SMYD4: variants seen among roughly 807,000 people sequenced by gnomAD.
The protein encoded by SMYD4 is protein-lysine N-methyltransferase SMYD4.
A neutral mutation model predicts 72.8 loss-of-function variants in SMYD4; 68 were observed. The observed-to-expected ratio is 0.93, with a 90% CI of 0.77 to 1.14. The LOEUF is 1.14. SMYD4 is among the 50% of genes most tolerant of loss of function. The pLI, the probability that SMYD4 is intolerant of heterozygous loss-of-function variation, is 0.00. For synonymous variants in SMYD4, 407 were observed against 388.6 expected, an observed-to-expected ratio of 1.05 and a Z score of -0.56; for missense variants, 984 against 1,003.7, an observed-to-expected ratio of 0.98 and a Z score of 0.27.
chr17:1,821,698 A>G (rs1242851065), intron 2 of SMYD4, among the ~76,000 whole-genome samples: 2 of 152,204 alleles, frequency 1.3e-5, no homozygotes, highest in Non-Finnish European at 2.9e-5. Flanking sequence ...TGGGAGACCA[A>G]GGTGGGCAGA....
chr17:1,786,152 C>T (rs939179628), intron 7 of SMYD4, among the ~76,000 whole-genome samples: 1 of 152,184 alleles, frequency 6.6e-6, no homozygotes, highest in African/African-American at 2.4e-5. Flanking sequence ...GTTCTCAGGT[C>T]AATGAAACAC....
chr17:1,805,775 G>A (rs181869437), intron 3 of SMYD4, among the ~76,000 whole-genome samples: 1 of 151,478 alleles, frequency 6.6e-6, no homozygotes, highest in African/African-American at 2.4e-5. Flanking sequence ...TCATACCACT[G>A]CACTCCAGTC....
chr17:1,816,510 C>T (rs1408413614), intron 2 of SMYD4, among the ~76,000 whole-genome samples: 1 of 151,402 alleles, frequency 6.6e-6, no homozygotes, highest in Non-Finnish European at 1.5e-5. Flanking sequence ...ATCCCAGCTA[C>T]TCGGGGGACT....
chr17:1,784,641 T>C (rs1463357136), intron 7 of SMYD4, 180 bp from the exon 8 acceptor site: 8 of 885,852 alleles, frequency 9.0e-6, no homozygotes, highest in Admixed American at 6.2e-5. Context: ...GCGGCAATTC[T>C]AATGAAGTGT....
intron 4 of SMYD4, among the ~76,000 whole-genome samples, chr17:1,802,509 G>T (rs1372093474): frequency 6.6e-6 from 1 of 151,968 alleles, no homozygotes; most frequent in Admixed American, 6.6e-5. Flanking sequence ...AAAAAATAAA[G>T]AAAAAGGAAA....
intron 3 of SMYD4, among the ~76,000 whole-genome samples, chr17:1,811,050 T>C (rs59742131): frequency 0.18 from 27,100 of 152,252 alleles, 2,498 homozygotes; most frequent in Middle Eastern, 0.2. Context: ...CCTCTGTCCT[T>C]GCGACAAGGT....
intron 7 of SMYD4, 140 bp downstream of exon 7, chr17:1,786,670 G>T: frequency 1.1e-6 from 1 of 933,224 alleles, no homozygotes. Context: ...CTAGTGTATG[G>T]GGATGACTGG....
At chr17:1,793,063 G>A (rs1460490650) in intron 5 of SMYD4, among the ~76,000 whole-genome samples, 21 of 151,944 alleles carry the variant, frequency 1.4e-4, no homozygotes, top group Admixed American at 1.2e-3. Context: ...GACCACAAGC[G>A]CGCACCACCA....
chr17:1,801,163 A>G (rs1909727036), intron 4 of SMYD4, 139 bp from the exon 5 acceptor site: 2 of 730,764 alleles, frequency 2.7e-6, no homozygotes, highest in South Asian at 3.8e-5. Context: ...TATTAAAATC[A>G]TATAGTTCTG....
chr17:1,808,122 C>A (rs769516185), intron 3 of SMYD4, among the ~76,000 whole-genome samples: 6 of 152,180 alleles, frequency 3.9e-5, no homozygotes, highest in Non-Finnish European at 7.3e-5. Flanking sequence ...TCTGCCCCAG[C>A]AATTACCCTT....
At chr17:1,817,345 G>C in intron 2 of SMYD4, among the ~76,000 whole-genome samples, 1 of 147,332 alleles carries the variant, frequency 6.8e-6, no homozygotes, top group Admixed American at 6.8e-5. Context: ...GCCTAAAACT[G>C]TTTTTTTTTG....
Position 1,804,867 on chromosome 17 carries a change from G to C in SMYD4, c.280-152C>G. On this transcript the variant is annotated intron_variant, in intron 3 of 10. Transcript: ENST00000305513. ...GCTTCAGCTTATCTTTTAACTACCT[G>C]AGAGCAAAGCTGTGAAGAGCAAGTG... The C allele has an allele frequency of 4.3e-6, 3 of 690,150 alleles. No individual in the cohort carries two copies. In the South Asian group the frequency reaches 5.3e-5, roughly 12 times the overall value. 42.8% of individuals were successfully genotyped at this position (690,150 alleles called of 1,614,324 possible). A position where few individuals can be genotyped will look rare whatever the true frequency, so the allele number is the denominator to read the frequency against.
Position 1,796,159 on chromosome 17 carries a change from GTCTC to G in SMYD4, c.1537+3694_1537+3697del, listed in dbSNP as rs201704159. Among the ~76,000 whole-genome samples the G allele has an allele frequency of 1.4e-4, 22 of 152,076 alleles. No individual in the cohort carries two copies. In the East Asian group the frequency reaches 3.9e-3, roughly 27 times the overall value. On this transcript the variant is annotated intron_variant, in intron 5 of 10. Coordinates refer to ENST00000305513, the MANE Select transcript of SMYD4 (RefSeq NM_052928.3). ...TTTTCTTTTTTCTTTTTGAGACAGG[GTCTC>G]TCTCTGTTGCCCAGGCTCTAGTGCA...
Position 1,781,124 on chromosome 17 carries a change from T to C in SMYD4, c.*162A>G, listed in dbSNP as rs55971207. The C allele has an allele frequency of 0.057, 45,551 of 804,548 alleles. 2,706 individuals are homozygous for C. Among genetic ancestry groups the C allele is most frequent in the African/African-American group, 0.22 (12,403 of 55,358 alleles). 49.8% of individuals were successfully genotyped at this position (804,548 alleles called of 1,614,324 possible). Reference sequence around the variant, plus strand: ...TTAGTAAAGATGGGGTTTCACCATGTTGGCCAGGCTGGTCTTGAACTCCTG... The same window carrying C: ...TTAGTAAAGATGGGGTTTCACCATGCTGGCCAGGCTGGTCTTGAACTCCTG... On this transcript the variant is annotated 3_prime_UTR_variant, in exon 11 of 11. Transcript: ENST00000305513.
At chr17:1,797,064 A>G (rs1909445080) in intron 5 of SMYD4, among the ~76,000 whole-genome samples, 1 of 152,214 alleles carries the variant, frequency 6.6e-6, no homozygotes, top group Admixed American at 6.5e-5. Flanking sequence ...AATCTTGGCC[A>G]AAACATGTCT....
rs186762122 is a variant in SMYD4, at chr17:1,800,238, T to C, written c.1156A>G (p.Asn386Asp). 4.3e-6 allele frequency: 7 copies of C among 1,614,246 alleles called. No homozygotes were observed. In the East Asian group the frequency reaches 1.6e-4, roughly 36 times the overall value. The change falls in exon 5 of 11, where the codon AAT (asparagine) becomes GAT (aspartate). Residue 386 changes from asparagine (N) to aspartate (D), a missense_variant. Physicochemically the swap from Asn to Asp is conservative, Grantham distance 23. Coordinates refer to ENST00000305513, the MANE Select transcript of SMYD4 (RefSeq NM_052928.3). Reference protein sequence around the residue: ...NKDICLPESNNQVKTLNYGLG... With the variant: ...NKDICLPESNDQVKTLNYGLG... The stretch of plus-strand genomic sequence containing the variant: ...CCATAATTAAGTGTCTTGACCTGAT[T>C]GTTGCTTTCAGGTAAACAGATGTCC...
intron 2 of SMYD4, among the ~76,000 whole-genome samples, chr17:1,824,110 A>C (rs1911036316): frequency 6.6e-6 from 1 of 152,180 alleles, no homozygotes; most frequent in African/African-American, 2.4e-5. Flanking sequence ...TGGGAGGCCA[A>C]GGTGGATGGG....
chr17:1,786,825 G>C lies in SMYD4; in HGVS notation c.1869C>G (p.Cys623Trp). 1 of 1,614,176 alleles carries C rather than the reference G, an allele frequency of 6.2e-7. No homozygotes were observed. Among genetic ancestry groups the C allele is most frequent in the South Asian group, 1.1e-5 (1 of 91,082 alleles). ...PRWEAFCCNSCGAPMQGDDVL... is the reference protein window; with the variant it reads ...PRWEAFCCNSWGAPMQGDDVL... Reference sequence around the variant, plus strand: ...AGAGAATTACCTGCATGGGCGCTCCGCAACTGTTGCAACAGAATGCTTCCC... The same window carrying C: ...AGAGAATTACCTGCATGGGCGCTCCCCAACTGTTGCAACAGAATGCTTCCC... Residue 623 changes from cysteine to tryptophan, a missense_variant, in exon 7 of 11, where the codon TGC becomes TGG. By Grantham distance (215) the Cys-to-Trp change is radical. Transcript: ENST00000305513.
intron 5 of SMYD4, among the ~76,000 whole-genome samples, chr17:1,788,955 C>G (rs1226881505): frequency 6.6e-6 from 1 of 152,058 alleles, no homozygotes; most frequent in African/African-American, 2.4e-5. Context: ...AAGCATGAGG[C>G]AAATTGTGTT....
Sources: gnomAD v4.1 joint callset for allele counts (sites outside exome capture counted in the v4.1 genomes callset) on GRCh38, gnomAD v4.1.1 for gene constraint, MANE v1.5 for transcripts, NCBI Gene and HGNC (gene_info 2026-07-23, HGNC 2026-07-21) for gene names.